Variants in PID1 observed in about 807,000 individuals in gnomAD.
The protein encoded by PID1 is PTB-containing, cubilin and LRP1-interacting protein.
PID1 carries 10 observed loss-of-function variants against 19.1 expected under a neutral mutation model. The observed-to-expected ratio is 0.52, with a 90% CI of 0.32 to 0.89. The LOEUF (loss-of-function observed/expected upper bound fraction) is 0.89. PID1 is among the 40% of genes least tolerant of loss of function. The probability of loss-of-function intolerance (pLI) is 0.03; values close to 1 mark genes in which losing one functional copy is unlikely to be tolerated. For missense variants in PID1, 248 were observed against 285.3 expected (o/e 0.87, Z 0.94); for synonymous variants, 130 against 116.0 (o/e 1.12, Z -0.78).
chr2:229,202,904 A>C (rs1691529347), intron 1 of PID1, among the ~76,000 whole-genome samples: 1 of 152,208 alleles, frequency 6.6e-6, no homozygotes, highest in Admixed American at 6.6e-5. Flanking sequence ...GTGATTCATA[A>C]ATTCTTTTTG....
intron 2 of PID1, among the ~76,000 whole-genome samples, chr2:229,107,449 A>G (rs1336693341): frequency 6.6e-6 from 1 of 151,484 alleles, no homozygotes; most frequent in Non-Finnish European, 1.5e-5. Context: ...CTCTCAGTAG[A>G]ATTTTCTTAA....
At chr2:229,192,621 C>A (rs1691284258) in intron 1 of PID1, among the ~76,000 whole-genome samples, 1 of 152,154 alleles carries the variant, frequency 6.6e-6, no homozygotes, top group African/African-American at 2.4e-5. Context: ...ATGGAACATA[C>A]AGGAGAAGGT....
At chr2:229,034,154 A>C (rs562434126) in intron 2 of PID1, among the ~76,000 whole-genome samples, 1 of 152,324 alleles carries the variant, frequency 6.6e-6, no homozygotes. Context: ...GTTCATAGTG[A>C]AATCTATGAA....
intron 2 of PID1, among the ~76,000 whole-genome samples, chr2:229,094,707 G>C (rs1694940491): frequency 6.6e-6 from 1 of 151,934 alleles, no homozygotes; most frequent in Admixed American, 6.6e-5. Context: ...TTCAATAAAT[G>C]GTGATGGAAA....
At chr2:229,098,525 T>C (rs1695014873) in intron 2 of PID1, among the ~76,000 whole-genome samples, 1 of 152,174 alleles carries the variant, frequency 6.6e-6, no homozygotes. Flanking sequence ...TAATTTTCTA[T>C]ATCTCTCAGA....
chr2:229,201,621 G>A (rs990505095), intron 1 of PID1, among the ~76,000 whole-genome samples: 2 of 151,960 alleles, frequency 1.3e-5, no homozygotes, highest in African/African-American at 2.4e-5. Flanking sequence ...TCCAGCTTTC[G>A]ATTCTTTCGT....
intron 1 of PID1, among the ~76,000 whole-genome samples, chr2:229,183,607 T>C (rs1287333720): frequency 1.3e-5 from 2 of 152,114 alleles, no homozygotes; most frequent in Non-Finnish European, 2.9e-5. Flanking sequence ...TCCTAATCTC[T>C]TGGAGTGGGT....
At chr2:229,229,001 T>C (rs929149161) in intron 1 of PID1, among the ~76,000 whole-genome samples, 1 of 152,214 alleles carries the variant, frequency 6.6e-6, no homozygotes, top group Non-Finnish European at 1.5e-5. Context: ...TGGAAGGCTG[T>C]GGCTTGGAGT....
intron 2 of PID1, among the ~76,000 whole-genome samples, chr2:229,123,779 C>T (rs777066164): frequency 6.6e-6 from 1 of 152,196 alleles, no homozygotes; most frequent in Non-Finnish European, 1.5e-5. Context: ...TGTTCATCAT[C>T]TTTTCATATG....
At chr2:229,112,261 G>T (rs1695313457) in intron 2 of PID1, among the ~76,000 whole-genome samples, 1 of 152,118 alleles carries the variant, frequency 6.6e-6, no homozygotes, top group East Asian at 1.9e-4. Context: ...TAGAGAGGAA[G>T]AATTATTTTT....
intron 2 of PID1, among the ~76,000 whole-genome samples, chr2:229,083,095 A>G (rs970695307): frequency 6.6e-6 from 1 of 152,200 alleles, no homozygotes; most frequent in African/African-American, 2.4e-5. Flanking sequence ...CACATTGAAG[A>G]ATGATGAATT....
At chr2:229,203,334 A>G (rs1431929245) in intron 1 of PID1, among the ~76,000 whole-genome samples, 1 of 152,138 alleles carries the variant, frequency 6.6e-6, no homozygotes, top group Non-Finnish European at 1.5e-5. Context: ...ATATATTAAT[A>G]AAGTATAGTA....
intron 1 of PID1, among the ~76,000 whole-genome samples, chr2:229,231,562 G>A (rs1007800897): frequency 2.0e-5 from 3 of 152,044 alleles, no homozygotes; most frequent in Non-Finnish European, 4.4e-5. Context: ...AAGTGACGAC[G>A]ATAGAGCCCA....
At chr2:229,108,592 G>A (rs768235682) in intron 2 of PID1, among the ~76,000 whole-genome samples, 2 of 152,208 alleles carry the variant, frequency 1.3e-5, no homozygotes, top group African/African-American at 4.8e-5. Context: ...TGCATTATAG[G>A]AATGTTTCAA....
At chr2:229,178,985 G>T (rs1209139459) in intron 1 of PID1, among the ~76,000 whole-genome samples, 1 of 152,102 alleles carries the variant, frequency 6.6e-6, no homozygotes, top group Non-Finnish European at 1.5e-5. Flanking sequence ...GGTCAGATGT[G>T]AAAACTCAGT....
chr2:229,148,689 G>A (rs1690185742), intron 2 of PID1, among the ~76,000 whole-genome samples: 1 of 151,160 alleles, frequency 6.6e-6, no homozygotes, highest in Non-Finnish European at 1.5e-5. Flanking sequence ...GAAGGAGGAA[G>A]AGAGAAAGCG....
At chr2:229,172,537 C>G (rs1366899877) in intron 1 of PID1, among the ~76,000 whole-genome samples, 1 of 152,032 alleles carries the variant, frequency 6.6e-6, no homozygotes, top group African/African-American at 2.4e-5. Context: ...TTCTTCACAC[C>G]CTCTTTCCTC....
At chr2:229,052,937 T>C (rs1307295438) in intron 2 of PID1, among the ~76,000 whole-genome samples, 3 of 152,214 alleles carry the variant, frequency 2.0e-5, no homozygotes, top group Non-Finnish European at 2.9e-5. Flanking sequence ...CAAAGCTTTG[T>C]CTCAAATGAC....
chr2:229,046,461 A>G (rs919200864), intron 2 of PID1, among the ~76,000 whole-genome samples: 3 of 151,890 alleles, frequency 2.0e-5, no homozygotes, highest in African/African-American at 7.3e-5. Context: ...ACATGCCTCA[A>G]ACAGCTCTTC....
Sources: allele counts gnomAD v4.1 joint callset (sites outside exome capture counted in the v4.1 genomes callset), GRCh38; gene constraint gnomAD v4.1.1; transcripts MANE v1.5; gene names NCBI Gene and HGNC (gene_info 2026-07-23, HGNC 2026-07-21).